Variants in NSD1 observed in about 807,000 individuals in gnomAD.
NSD1 encodes histone-lysine N-methyltransferase, H3 lysine-36 specific.
A neutral mutation model predicts 242.7 loss-of-function variants in NSD1; 26 were observed. The ratio of observed to expected loss-of-function variants is 0.11; its 90% CI spans 0.08 to 0.15. NSD1 has a LOEUF of 0.15. NSD1 is among the 10% of genes least tolerant of loss of function. The probability of loss-of-function intolerance (pLI) is 1.00; values close to 1 mark genes in which losing one functional copy is unlikely to be tolerated. For synonymous variants in NSD1, 1,106 were observed against 1,178.1 expected (o/e 0.94, Z 1.25); for missense variants, 2,495 against 3,272.8 (o/e 0.76, Z 5.80).
intron 2 of NSD1, among the ~76,000 whole-genome samples, chr5:177,157,722 C>T (rs1758253764): frequency 6.6e-6 from 1 of 152,186 alleles, no homozygotes; most frequent in Non-Finnish European, 1.5e-5. Flanking sequence ...CAGAACCTTT[C>T]ATCACCCCAA....
chr5:177,265,941 G>C, intron 14 of NSD1: 1 of 1,287,524 alleles, frequency 7.8e-7, no homozygotes. Context: ...TCCTTTATGA[G>C]GCAGGCGTTG....
rs977477791 is a variant in NSD1, at chr5:177,135,550, C to T, written c.447C>T (p.Gly149=). The change falls in exon 2 of 23, where the codon GGC becomes GGT. Residue 149 remains glycine (G), a synonymous_variant. Transcript: ENST00000439151. ...QVKVTKTIKN[G]FLHFENFTCV... ...AAGTAACAAAGACTATCAAGAATGG[C>T]TTTCTGCACTTTGAGAATTTTACTT... 10 of 1,614,072 alleles carry T rather than the reference C, an allele frequency of 6.2e-6. No homozygotes were observed. In the African/African-American group the frequency reaches 1.2e-4, roughly 19 times the overall value.
intron 4 of NSD1, among the ~76,000 whole-genome samples, chr5:177,204,656 T>C (rs924503869): frequency 6.6e-5 from 10 of 152,120 alleles, no homozygotes; most frequent in Non-Finnish European, 1.2e-4. Flanking sequence ...TAAAAATCAT[T>C]ATCTACTTGG....
chr5:177,266,495 T>G (rs762665550), intron 14 of NSD1: 3 of 623,738 alleles, frequency 4.8e-6, no homozygotes, highest in Admixed American at 4.6e-5. Context: ...TAGTAATCTT[T>G]GGACGTCATG....
At chr5:177,204,322 T>G in intron 4 of NSD1, 30 bp downstream of exon 4, 1 of 1,597,110 alleles carries the variant, frequency 6.3e-7, no homozygotes, top group Non-Finnish European at 8.6e-7. Context: ...TTTTATTGAG[T>G]GACAGAAGCA....
chr5:177,202,135 T>C (rs1762555232), intron 3 of NSD1, among the ~76,000 whole-genome samples: 1 of 150,210 alleles, frequency 6.7e-6, no homozygotes, highest in South Asian at 2.1e-4. Flanking sequence ...GCCATAGCAC[T>C]CCAGACTGAG....
At chr5:177,133,046 G>A (rs1230805471), upstream of NSD1, 3 of 153,686 alleles carry the variant, frequency 2.0e-5, no homozygotes, top group Non-Finnish European at 4.4e-5. This position sits in a 1 kb window ranked among gnomAD's most constrained non-coding sequence, Gnocchi z 6.2. Flanking sequence ...GGTCTGTGGT[G>A]GTGGTGGTGG....
chr5:177,255,559 T>G (rs1012695281), intron 12 of NSD1, among the ~76,000 whole-genome samples: 2 of 151,988 alleles, frequency 1.3e-5, no homozygotes, highest in Non-Finnish European at 2.9e-5. Flanking sequence ...AGGTCTGTGG[T>G]TTTTGTTTTG....
rs1207382694 is a variant in NSD1 at position 177,224,468 on chromosome 5, G to T, written c.3797-11353G>T. 2.0e-4 allele frequency among the ~76,000 whole-genome samples: 31 copies of T among 151,464 alleles called. No individual in the cohort carries two copies. The Admixed American group carries it at 2.0e-3, about 10-fold the overall frequency. ...TGATTTCATTCTCAAATTATCTCATGTTTATGAAAATTTTGTATATTATTT... is the reference window on the plus strand; with the variant it reads ...TGATTTCATTCTCAAATTATCTCATTTTTATGAAAATTTTGTATATTATTT... On this transcript the variant is annotated intron_variant, in intron 5 of 22. Transcript: ENST00000439151.
chr5:177,277,161 G>A (rs923829119), intron 17 of NSD1, among the ~76,000 whole-genome samples: 11 of 150,716 alleles, frequency 7.3e-5, no homozygotes, highest in African/African-American at 2.2e-4. Context: ...ACATTTCCAG[G>A]AAAAGGATCT....
At chr5:177,168,022 A>G (rs1054946480) in intron 2 of NSD1, among the ~76,000 whole-genome samples, 1 of 152,174 alleles carries the variant, frequency 6.6e-6, no homozygotes, top group Non-Finnish European at 1.5e-5. Flanking sequence ...TAAATAGGCC[A>G]TTGGAATTTT....
chr5:177,266,035 A>G, intron 14 of NSD1: 2 of 1,058,698 alleles, frequency 1.9e-6, no homozygotes, highest in South Asian at 1.3e-5. Context: ...CGAAGCCATA[A>G]ACGTTCTCCC....
chr5:177,254,774 AG>A (rs1372236239), intron 12 of NSD1, among the ~76,000 whole-genome samples: 2 of 107,864 alleles, frequency 1.9e-5, no homozygotes, highest in Admixed American at 1.0e-4. Context: ...TTTCACTATT[AG>A]GTCTGTGATG....
intron 2 of NSD1, among the ~76,000 whole-genome samples, chr5:177,152,476 C>CTTTTT (rs35553344): frequency 2.6e-4 from 29 of 110,500 alleles, no homozygotes; most frequent in African/African-American, 5.0e-4. Context: ...TCAAGCGATT[C>CTTTTT]TTTTTTTTTT....
intron 2 of NSD1, among the ~76,000 whole-genome samples, chr5:177,184,214 G>T (rs894261679): frequency 6.6e-6 from 1 of 152,108 alleles, no homozygotes; most frequent in Admixed American, 6.6e-5. Flanking sequence ...CCAAACTGTT[G>T]TCTAGATTTG....
intron 14 of NSD1, chr5:177,266,592 C>T: frequency 1.5e-6 from 1 of 676,182 alleles, no homozygotes; most frequent in Non-Finnish European, 2.2e-6. Context: ...CCGCCATCTT[C>T]ACCCGCACCT....
At chr5:177,260,419 T>C (rs1485900422) in intron 14 of NSD1, among the ~76,000 whole-genome samples, 1 of 141,086 alleles carries the variant, frequency 7.1e-6, no homozygotes, top group South Asian at 2.3e-4. Flanking sequence ...CAATCTCAGC[T>C]AACTGCAGCC....
intron 2 of NSD1, among the ~76,000 whole-genome samples, chr5:177,185,930 A>AT (rs1761143891): frequency 1.2e-5 from 1 of 85,988 alleles, no homozygotes; most frequent in African/African-American, 5.0e-5. Context: ...TTATATATAT[A>AT]AATAAATATA....
At position 177,211,804 on chromosome 5, in the gene NSD1, A is replaced by G; in HGVS notation, c.3405A>G (p.Pro1135=). The part of the protein sequence containing the change: ...KGLSFENGKG[P]ELDSVMNSEN... The stretch of plus-strand genomic sequence containing the variant: ...TCTCTTTTGAAAACGGAAAAGGCCC[A>G]GAGCTGGACTCTGTAATGAACAGTG... The change falls in exon 5 of 23, where the codon CCA becomes CCG. Residue 1135 remains proline (P), a synonymous_variant. Coordinates refer to ENST00000439151, the MANE Select transcript of NSD1 (RefSeq NM_022455.5). 1.2e-6 allele frequency: 2 copies of G among 1,614,248 alleles called. No homozygotes were observed. The highest frequency in any genetic ancestry group is 1.7e-6 in the Non-Finnish European group (2 of 1,180,048).
Sources: gnomAD v4.1 joint callset for allele counts (sites outside exome capture counted in the v4.1 genomes callset) on GRCh38, gnomAD v4.1.1 for gene constraint, Gnocchi (gnomAD v3.1) non-coding constraint, MANE v1.5 for transcripts, NCBI Gene and HGNC (gene_info 2026-07-23, HGNC 2026-07-21) for gene names.